Variants in MEGF10 observed in about 807,000 individuals in gnomAD.
MEGF10 encodes multiple EGF like domains 10.
MEGF10 carries 86 observed loss-of-function variants against 147.5 expected under a neutral mutation model. The ratio of observed to expected loss-of-function variants is 0.58; its 90% CI spans 0.49 to 0.70. The LOEUF (loss-of-function observed/expected upper bound fraction) is 0.70. Ranked by LOEUF, MEGF10 falls within the 30% of genes least tolerant of loss-of-function variation. MEGF10 has a pLI of 0.00. For missense variants in MEGF10, 1,329 were observed against 1,487.3 expected, an observed-to-expected ratio of 0.89 and a Z score of 1.75; for synonymous variants, 478 against 525.5, an observed-to-expected ratio of 0.91 and a Z score of 1.24.
At chr5:127,391,471 G>A (rs1763690267) in intron 5 of MEGF10, among the ~76,000 whole-genome samples, 1 of 151,754 alleles carries the variant, frequency 6.6e-6, no homozygotes, top group Non-Finnish European at 1.5e-5. Context: ...CGGCTACTCA[G>A]GTGGGAGGAT....
chr5:127,350,521 C>A (rs1762048139), intron 4 of MEGF10, among the ~76,000 whole-genome samples: 1 of 151,948 alleles, frequency 6.6e-6, no homozygotes, highest in South Asian at 2.1e-4. Context: ...TGTCTCTCCT[C>A]CATTTTTTCC....
At chr5:127,331,224 G>A in intron 1 of MEGF10, 67 bp from the exon 2 acceptor site, 1 of 813,894 alleles carries the variant, frequency 1.2e-6, no homozygotes, top group South Asian at 1.6e-5. Context: ...GGTGGTTGCT[G>A]TACTGAAAAG....
the MEGF10 span, among the ~76,000 whole-genome samples, chr5:127,245,170 C>T: frequency 6.6e-6 from 1 of 152,132 alleles, no homozygotes; most frequent in East Asian, 1.9e-4. Context: ...GCAAAAAGGA[C>T]AAAGCTGGAG....
intron 2 of MEGF10, among the ~76,000 whole-genome samples, chr5:127,337,169 G>A (rs1037525664): frequency 6.6e-6 from 1 of 152,112 alleles, no homozygotes; most frequent in Non-Finnish European, 1.5e-5. Context: ...GAGAAGTTTA[G>A]TAAGGTTCGA....
rs1580899072 is a variant in MEGF10, at chr5:127,460,372, C to T, written c.*3054C>T. The stretch of plus-strand genomic sequence containing the variant: ...TTTTACAATTATTTACAGTGTTTGA[C>T]ATTAATTGCTGTCCTATGATACAGT... On this transcript the variant is annotated 3_prime_UTR_variant, in exon 25 of 25. Transcript: ENST00000503335. 6.6e-6 allele frequency: 1 copy of T among 152,114 alleles called. No individual in the cohort carries two copies. The highest frequency in any genetic ancestry group is 6.6e-5 in the Admixed American group (1 of 15,264). 9.4% of individuals were successfully genotyped at this position (152,114 alleles called of 1,614,324 possible). A position where few individuals can be genotyped will look rare whatever the true frequency, so the allele number is the denominator to read the frequency against.
the MEGF10 span, among the ~76,000 whole-genome samples, chr5:127,244,270 T>G: frequency 7.0e-6 from 1 of 143,380 alleles, no homozygotes; most frequent in African/African-American, 2.6e-5. Flanking sequence ...TAGAAGACAG[T>G]CAAGAGGCAG....
At chr5:127,408,612 A>G (rs1336536007) in intron 8 of MEGF10, among the ~76,000 whole-genome samples, 2 of 152,238 alleles carry the variant, frequency 1.3e-5, no homozygotes, top group African/African-American at 4.8e-5. Context: ...TATGCTGAGT[A>G]TTAGGTCAAT....
At chr5:127,454,099 T>C (rs1468893350) in intron 22 of MEGF10, among the ~76,000 whole-genome samples, 4 of 152,210 alleles carry the variant, frequency 2.6e-5, no homozygotes, top group African/African-American at 9.7e-5. Flanking sequence ...CTGTAAAGTA[T>C]TAGTCAACAG....
chr5:127,262,477 G>A, the MEGF10 span, among the ~76,000 whole-genome samples: 1 of 152,094 alleles, frequency 6.6e-6, no homozygotes. Context: ...AGTTTACAAG[G>A]GTGGGGACCA....
chr5:127,249,077 C>T, the MEGF10 span, among the ~76,000 whole-genome samples: 1 of 151,864 alleles, frequency 6.6e-6, no homozygotes, highest in Non-Finnish European at 1.5e-5. Context: ...TTTATTTTCT[C>T]ACCTTTAAAT....
At chr5:127,286,330 A>T (rs1759027097), upstream of MEGF10, among the ~76,000 whole-genome samples, 1 of 152,098 alleles carries the variant, frequency 6.6e-6, no homozygotes, top group South Asian at 2.1e-4. Flanking sequence ...CCTAACACAT[A>T]GTAATGATAA....
chr5:127,246,985 AAT>A, the MEGF10 span, among the ~76,000 whole-genome samples: 1,555 of 104,118 alleles, frequency 0.015, 37 homozygotes, highest in Non-Finnish European at 0.019. Flanking sequence ...GTATAAAAAG[AAT>A]ATATATATAT....
intron 12 of MEGF10, 28 bp from the exon 13 acceptor site, chr5:127,422,642 G>C (rs541613516): frequency 1.3e-6 from 2 of 1,591,488 alleles, no homozygotes; most frequent in East Asian, 4.5e-5. Flanking sequence ...GGCCCTCATT[G>C]CTGCCTTTGA....
intron 21 of MEGF10, 129 bp from the exon 22 acceptor site, chr5:127,448,970 C>T (rs1766052200): frequency 1.7e-6 from 2 of 1,211,254 alleles, no homozygotes; most frequent in South Asian, 1.6e-5. Context: ...GTCACCTCGG[C>T]CCCTGAGCTC....
At chr5:127,397,461 C>T (rs1359084196) in intron 6 of MEGF10, among the ~76,000 whole-genome samples, 5 of 152,042 alleles carry the variant, frequency 3.3e-5, no homozygotes, top group African/African-American at 1.2e-4. Context: ...CTTCTATTCA[C>T]CAACAGAATT....
intron 9 of MEGF10, 33 bp downstream of exon 9, chr5:127,410,634 CT>C (rs757037920): frequency 6.5e-7 from 1 of 1,542,124 alleles, no homozygotes; most frequent in East Asian, 2.4e-5. Context: ...AGGACGTGTC[CT>C]GTGAAAGTTT....
At chr5:127,232,144 A>G in the MEGF10 span, among the ~76,000 whole-genome samples, 1 of 152,206 alleles carries the variant, frequency 6.6e-6, no homozygotes, top group Non-Finnish European at 1.5e-5. Flanking sequence ...CAATATTTTT[A>G]TTTGCACATT....
chr5:127,374,256 G>A (rs1028718825), intron 5 of MEGF10, among the ~76,000 whole-genome samples: 1 of 152,228 alleles, frequency 6.6e-6, no homozygotes, highest in South Asian at 2.1e-4. Context: ...AGTGCACTAC[G>A]TGCTCTGAGT....
At chr5:127,357,159 G>A (rs1762305993) in intron 4 of MEGF10, among the ~76,000 whole-genome samples, 1 of 152,144 alleles carries the variant, frequency 6.6e-6, no homozygotes, top group South Asian at 2.1e-4. Context: ...GTTGAAGCTG[G>A]AAGGCTATAA....
Sources: gnomAD v4.1 joint callset for allele counts (sites outside exome capture counted in the v4.1 genomes callset) on GRCh38, gnomAD v4.1.1 for gene constraint, MANE v1.5 for transcripts, NCBI Gene and HGNC (gene_info 2026-07-23, HGNC 2026-07-21) for gene names.